The following TANC2 variants were observed in gnomAD, a reference collection of about 807,000 sequenced individuals.
The protein encoded by TANC2 is tetratricopeptide repeat, ankyrin repeat and coiled-coil containing 2, also known as protein TANC2.
Under a neutral mutation model 210.5 loss-of-function variants are expected in TANC2, and 26 were observed. That is an observed-to-expected ratio of 0.12 (90% CI 0.09 to 0.17). The LOEUF (loss-of-function observed/expected upper bound fraction) is 0.17. Among genes scored for constraint, TANC2 ranks in the 10% least tolerant of loss-of-function variants. The pLI is 1.00. For missense variants in TANC2, 2,129 were observed against 2,608.9 expected, an observed-to-expected ratio of 0.82 and a Z score of 4.01; for synonymous variants, 931 against 967.1, an observed-to-expected ratio of 0.96 and a Z score of 0.69.
intron 12 of TANC2, among the ~76,000 whole-genome samples, chr17:63,349,416 G>A (rs1434318208): frequency 1.3e-5 from 2 of 152,020 alleles, no homozygotes; most frequent in African/African-American, 4.8e-5. Context: ...TTTGTCTACT[G>A]GAAAATCATG....
At chr17:63,346,980 A>G (rs554177349) in intron 12 of TANC2, among the ~76,000 whole-genome samples, 25 of 152,124 alleles carry the variant, frequency 1.6e-4, no homozygotes, top group African/African-American at 6.0e-4. Flanking sequence ...TGCTGGGATT[A>G]TAGGCATGAG....
At chr17:63,341,800 G>A (rs1276454893) in intron 12 of TANC2, among the ~76,000 whole-genome samples, 2 of 152,046 alleles carry the variant, frequency 1.3e-5, no homozygotes, top group African/African-American at 4.8e-5. Flanking sequence ...TTCATAATCC[G>A]CTGATTGCCT....
chr17:62,972,248 A>G (rs1320652924), intron 1 of TANC2, among the ~76,000 whole-genome samples: 1 of 152,232 alleles, frequency 6.6e-6, no homozygotes, highest in Non-Finnish European at 1.5e-5. Flanking sequence ...GTTGTGGGCC[A>G]CACATGACGT....
intron 9 of TANC2, among the ~76,000 whole-genome samples, chr17:63,286,822 C>T (rs1228909273): frequency 2.0e-5 from 3 of 152,038 alleles, no homozygotes; most frequent in Non-Finnish European, 2.9e-5. Flanking sequence ...AGTTTCTATT[C>T]CTTTGTCTTG....
chr17:62,982,599 C>T (rs886915242), intron 1 of TANC2, among the ~76,000 whole-genome samples: 2 of 152,178 alleles, frequency 1.3e-5, no homozygotes, highest in African/African-American at 2.4e-5. Flanking sequence ...AATCTCTGAC[C>T]ACCACTTGCT....
intron 9 of TANC2, among the ~76,000 whole-genome samples, chr17:63,307,840 A>T (rs900997743): frequency 1.3e-5 from 2 of 152,158 alleles, no homozygotes; most frequent in Non-Finnish European, 2.9e-5. Context: ...ATCTCAGCTC[A>T]CTGCAATCTC....
intron 1 of TANC2, among the ~76,000 whole-genome samples, chr17:62,992,482 C>T (rs1309113438): frequency 6.6e-6 from 1 of 152,022 alleles, no homozygotes; most frequent in African/African-American, 2.4e-5. Flanking sequence ...ACTATTAGTC[C>T]AGTATTTTTT....
intron 2 of TANC2, among the ~76,000 whole-genome samples, chr17:63,039,732 G>C (rs1274610284): frequency 6.6e-6 from 1 of 152,166 alleles, no homozygotes. Flanking sequence ...CAGTATGTCA[G>C]ATGTCTTCAG....
intron 2 of TANC2, among the ~76,000 whole-genome samples, chr17:63,025,071 T>C (rs1202775640): frequency 6.6e-6 from 1 of 152,220 alleles, no homozygotes; most frequent in Non-Finnish European, 1.5e-5. Flanking sequence ...ATATGTCAGT[T>C]TCCTATATGT....
At chr17:63,134,954 G>A (rs2039040256) in intron 4 of TANC2, among the ~76,000 whole-genome samples, 1 of 152,158 alleles carries the variant, frequency 6.6e-6, no homozygotes, top group Non-Finnish European at 1.5e-5. Flanking sequence ...GCCTGTTACT[G>A]TGGCGCACAC....
At chr17:63,147,748 C>T (rs1303308171) in intron 4 of TANC2, among the ~76,000 whole-genome samples, 2 of 152,174 alleles carry the variant, frequency 1.3e-5, no homozygotes, top group African/African-American at 4.8e-5. Context: ...TGTTGTCTAA[C>T]TTAGACCATT....
At chr17:63,172,768 T>C (rs548953566) in intron 5 of TANC2, among the ~76,000 whole-genome samples, 1 of 152,268 alleles carries the variant, frequency 6.6e-6, no homozygotes, top group East Asian at 1.9e-4. Flanking sequence ...AAATAACATA[T>C]GTTCTCTCTA....
At chr17:63,374,032 G>GT (rs35801082) in intron 14 of TANC2, among the ~76,000 whole-genome samples, 24,382 of 93,578 alleles carry the variant, frequency 0.26, 4,390 homozygotes, top group African/African-American at 0.39. Context: ...GTTGTTGTTG[G>GT]TTTTTTTTTT....
At chr17:63,148,781 A>G (rs749308720) in intron 4 of TANC2, 3 of 152,154 alleles carry the variant, frequency 2.0e-5, no homozygotes, top group Admixed American at 6.6e-5. Flanking sequence ...ATTTTTTACA[A>G]TGAAGCATAT....
chr17:63,186,350 C>CTTTT (rs11314991), intron 5 of TANC2, among the ~76,000 whole-genome samples: 7 of 114,352 alleles, frequency 6.1e-5, no homozygotes, highest in Admixed American at 8.6e-5. Context: ...CTCTCTCTCT[C>CTTTT]TTTTTTTTTT....
chr17:63,280,663 T>C (rs150841535), intron 9 of TANC2, among the ~76,000 whole-genome samples: 87 of 152,220 alleles, frequency 5.7e-4, no homozygotes, highest in African/African-American at 2.0e-3. Flanking sequence ...TAAATACATC[T>C]GTTACTTCTT....
intron 1 of TANC2, among the ~76,000 whole-genome samples, chr17:63,004,122 T>C (rs1273435210): frequency 6.6e-6 from 1 of 152,220 alleles, no homozygotes; most frequent in African/African-American, 2.4e-5. Context: ...ATTTCACATT[T>C]AGCTGTTGTT....
chr17:63,314,546 G>T, exon 10 of TANC2: 1 of 1,613,974 alleles, frequency 6.2e-7, no homozygotes, highest in Non-Finnish European at 8.5e-7. Context: ...GAACCAAGGA[G>T]TAGTGATTGT....
At chr17:63,212,038 C>T (rs1232924090) in intron 7 of TANC2, among the ~76,000 whole-genome samples, 1 of 152,142 alleles carries the variant, frequency 6.6e-6, no homozygotes, top group Non-Finnish European at 1.5e-5. Context: ...CAGCCCCCCA[C>T]CCCACAACAG....
Sources: allele counts gnomAD v4.1 joint callset (sites outside exome capture counted in the v4.1 genomes callset), GRCh38; gene constraint gnomAD v4.1.1; transcripts MANE v1.5; gene names NCBI Gene and HGNC (gene_info 2026-07-23, HGNC 2026-07-21).